The following PLOD2 variants were observed in gnomAD, a reference collection of about 807,000 sequenced individuals.
PLOD2 encodes the protein procollagen-lysine,2-oxoglutarate 5-dioxygenase 2, also known as lysine hydroxylase 2.
PLOD2 carries 65 observed loss-of-function variants against 101.0 expected under a neutral mutation model. The ratio of observed to expected loss-of-function variants is 0.64; its 90% confidence interval spans 0.53 to 0.79. The LOEUF (loss-of-function observed/expected upper bound fraction) is 0.79, where lower values mean the gene tolerates loss of function less well. Ranked by LOEUF, PLOD2 falls within the 30% of genes least tolerant of loss-of-function variation. PLOD2 has a pLI of 0.00. For synonymous variants in PLOD2, 314 were observed against 302.9 expected, an observed-to-expected ratio of 1.04 and a Z score of -0.38; for missense variants, 909 against 914.6, an observed-to-expected ratio of 0.99 and a Z score of 0.08.
chr3:146,123,936 T>C (rs1392821608), intron 2 of PLOD2, among the ~76,000 whole-genome samples: 1 of 152,052 alleles, frequency 6.6e-6, no homozygotes, highest in Admixed American at 6.6e-5. Context: ...CAGAATACTT[T>C]GGCTATCCCC....
intron 1 of PLOD2, among the ~76,000 whole-genome samples, chr3:146,126,659 G>A (rs2030581243): frequency 6.6e-6 from 1 of 152,086 alleles, no homozygotes; most frequent in Non-Finnish European, 1.5e-5. Context: ...ATTAACATAA[G>A]AGACATTTCA....
chr3:146,151,568 G>A lies in PLOD2; in HGVS notation c.109+9313C>T, dbSNP rs536525358. Among the ~76,000 whole-genome samples the A allele has an allele frequency of 5.9e-5, 9 of 152,202 alleles. No individual in the cohort carries two copies. In the South Asian group the frequency reaches 1.7e-3, roughly 28 times the overall value. On this transcript the variant is annotated intron_variant, in intron 1 of 19. Transcript: ENST00000282903. ...TCACAAATTACAAGTAAAATCTGAC[G>A]AGGCTCAAGAATCGGCTCAAGGTTG...
chr3:146,142,229 T>A (rs974794276), intron 1 of PLOD2, among the ~76,000 whole-genome samples: 1 of 152,180 alleles, frequency 6.6e-6, no homozygotes, highest in Non-Finnish European at 1.5e-5. Context: ...GGAACTAGTT[T>A]TTTTATTCAG....
intron 1 of PLOD2, among the ~76,000 whole-genome samples, chr3:146,141,579 A>G (rs1407386048): frequency 1.3e-5 from 2 of 152,124 alleles, no homozygotes; most frequent in Admixed American, 1.3e-4. Flanking sequence ...ACTGTTTATC[A>G]GGCACTGTGC....
chr3:146,079,566 T>C (rs1576575606), intron 12 of PLOD2, among the ~76,000 whole-genome samples: 2 of 152,116 alleles, frequency 1.3e-5, no homozygotes, highest in Middle Eastern at 6.8e-3. Context: ...ATCTATTGTA[T>C]AGACGGTGTT....
intron 6 of PLOD2, among the ~76,000 whole-genome samples, chr3:146,103,815 A>T (rs1937474898): frequency 7.5e-6 from 1 of 134,008 alleles, no homozygotes; most frequent in South Asian, 2.6e-4. Context: ...ATGCATATCC[A>T]CACGAGCATG....
intron 11 of PLOD2, among the ~76,000 whole-genome samples, chr3:146,084,297 T>A (rs1313154789): frequency 6.6e-6 from 1 of 152,028 alleles, no homozygotes; most frequent in Non-Finnish European, 1.5e-5. Context: ...GGGCTGTATA[T>A]ACAGGTTGCT....
chr3:146,089,318 T>C (rs1169990754), intron 8 of PLOD2, among the ~76,000 whole-genome samples: 1 of 151,526 alleles, frequency 6.6e-6, no homozygotes, highest in African/African-American at 2.4e-5. Flanking sequence ...GTGGAGTTTA[T>C]CCTTCATTAA....
intron 8 of PLOD2, among the ~76,000 whole-genome samples, chr3:146,090,576 C>T (rs896969718): frequency 2.6e-5 from 4 of 151,680 alleles, no homozygotes; most frequent in African/African-American, 9.7e-5. Context: ...CTTCATGATG[C>T]AGCTTCATTC....
intron 3 of PLOD2, among the ~76,000 whole-genome samples, chr3:146,115,352 T>C (rs985648043): frequency 5.9e-5 from 9 of 152,200 alleles, no homozygotes; most frequent in African/African-American, 2.2e-4. Flanking sequence ...CTGAGTCCCC[T>C]GCCAGACATG....
Position 146,076,840 on chromosome 3 carries a change from G to T in PLOD2, c.1619C>A (p.Ala540Asp). ...GTTATAATGGGAAGTATTGTAATTA[G>T]CAGTGGATAATAGCCTTCCAAATTC... ...RHEFGRLLST[A>D]NYNTSHYNND... The change falls in exon 15 of 20, where the codon GCT becomes GAT. Residue 540 changes from alanine to aspartate, a missense_variant. Coordinates refer to ENST00000282903, the MANE Select transcript of PLOD2 (RefSeq NM_182943.3). The T allele has an allele frequency of 6.3e-7, 1 of 1,592,988 alleles. No homozygotes were observed.
At position 146,104,315 on chromosome 3, in the gene PLOD2, T is replaced by G. The variant is rs1374858567; in HGVS notation, c.643A>C (p.Lys215Gln). The part of the protein sequence containing the change: ...REAINITLDH[K>Q]CKIFQTLNGA... ...TTTAAGGTCTGGAAAATTTTGCATT[T>G]GTGATCCAATGTGATGTTAATAGCT... Residue 215 changes from lysine (K) to glutamine (Q), a missense_variant, in exon 6 of 20, where the codon AAA (lysine) becomes CAA (glutamine). Lys to Gln is a moderately conservative substitution (Grantham distance 53). Coordinates refer to ENST00000282903, the MANE Select transcript of PLOD2 (RefSeq NM_182943.3). The G allele has an allele frequency of 6.3e-7, 1 of 1,574,834 alleles. No homozygotes were observed.
intron 1 of PLOD2, 51 bp downstream of exon 1, chr3:146,160,830 C>A (rs757979167): frequency 1.5e-5 from 18 of 1,165,490 alleles, no homozygotes; most frequent in Non-Finnish European, 2.1e-5. Flanking sequence ...AATGAACTGC[C>A]CCCCCGCCGG....
intron 1 of PLOD2, among the ~76,000 whole-genome samples, chr3:146,134,432 G>C (rs998587851): frequency 1.3e-5 from 2 of 152,100 alleles, no homozygotes; most frequent in African/African-American, 4.8e-5. Context: ...TTCACAAATA[G>C]AGCGGACTTT....
chr3:146,146,655 T>C (rs2031795535), intron 1 of PLOD2, among the ~76,000 whole-genome samples: 1 of 152,170 alleles, frequency 6.6e-6, no homozygotes, highest in South Asian at 2.1e-4. Context: ...AGCTTCTCCA[T>C]CCCTGGGTTA....
At chr3:146,131,440 A>G (rs1394158015) in intron 1 of PLOD2, among the ~76,000 whole-genome samples, 2 of 152,206 alleles carry the variant, frequency 1.3e-5, no homozygotes, top group African/African-American at 4.8e-5. Context: ...GGGATAGTGC[A>G]TTATGCTGTG....
At chr3:146,126,921 T>C (rs1251504005) in intron 1 of PLOD2, among the ~76,000 whole-genome samples, 3 of 152,044 alleles carry the variant, frequency 2.0e-5, no homozygotes, top group Non-Finnish European at 4.4e-5. Context: ...TTAATTGGGG[T>C]AGATAGATTA....
intron 3 of PLOD2, among the ~76,000 whole-genome samples, chr3:146,113,060 T>C (rs1937720751): frequency 6.6e-6 from 1 of 152,142 alleles, no homozygotes; most frequent in African/African-American, 2.4e-5. Flanking sequence ...ACCCTAATGA[T>C]GGATACAGAT....
At chr3:146,110,917 T>G (rs1170735699) in intron 3 of PLOD2, among the ~76,000 whole-genome samples, 4 of 152,340 alleles carry the variant, frequency 2.6e-5, no homozygotes, top group Middle Eastern at 3.4e-3. Context: ...CATCAATGTA[T>G]GTTTAATATC....
Sources: gnomAD v4.1 joint callset for allele counts (sites outside exome capture counted in the v4.1 genomes callset) on GRCh38, gnomAD v4.1.1 for gene constraint, MANE v1.5 for transcripts, NCBI Gene and HGNC (gene_info 2026-07-23, HGNC 2026-07-21) for gene names.